Variants in MAP1B observed in about 807,000 individuals in gnomAD.
MAP1B encodes the protein microtubule-associated protein 1B.
In MAP1B, 12 loss-of-function variants were observed where a neutral mutation model predicts 176.1. The observed-to-expected ratio is 0.07, with a 90% CI of 0.04 to 0.11. The LOEUF (loss-of-function observed/expected upper bound fraction) is 0.11. Ranked by LOEUF, MAP1B falls within the 10% of genes least tolerant of loss-of-function variation. The pLI, the probability that MAP1B is intolerant of heterozygous loss-of-function variation, is 1.00. For missense variants in MAP1B, 2,523 were observed against 2,990.5 expected (o/e 0.84, Z 3.65); for synonymous variants, 1,044 against 1,135.0 (o/e 0.92, Z 1.61).
chr5:72,206,404 T>C lies in MAP1B; in HGVS notation c.*1165T>C, dbSNP rs1675065523. 6.6e-6 allele frequency: 1 copy of C among 152,654 alleles called. No individual in the cohort carries two copies. Among genetic ancestry groups the C allele is most frequent in the Non-Finnish European group, 1.5e-5 (1 of 68,042 alleles). The allele number at this position is 152,654 out of a possible 1,614,324, so 9.5% of individuals were successfully genotyped here. A position where few individuals can be genotyped will look rare whatever the true frequency, so the allele number is the denominator to read the frequency against. ...ACCTGTGGCCTCTCAGTCAAACAAG[T>C]TGTGCCTTTCACAGCTTCTTTACTA... On this transcript the variant is annotated 3_prime_UTR_variant, in exon 7 of 7. Transcript: ENST00000296755.
intron 2 of MAP1B, among the ~76,000 whole-genome samples, chr5:72,168,416 C>G (rs1031203953): frequency 6.6e-6 from 1 of 152,120 alleles, no homozygotes; most frequent in African/African-American, 2.4e-5. Flanking sequence ...ATTTTATTTA[C>G]GAAAGAGCAA....
rs374896459 is a variant in MAP1B at position 72,203,366 on chromosome 5, T to A, written c.7013-197T>A. On this transcript the variant is annotated intron_variant, in intron 5 of 6. Transcript: ENST00000296755. ...CTATTGAGGTGGTAAACAACCATGT[T>A]ATGTTTTGTCACATTGCTAGCGTAA... Among the ~76,000 whole-genome samples the A allele has an allele frequency of 7.9e-5, 12 of 152,358 alleles. No individual in the cohort carries two copies. The South Asian group carries it at 1.2e-3, about 16-fold the overall frequency.
At chr5:72,203,481 T>C in intron 5 of MAP1B, 82 bp from the exon 6 acceptor site, 2 of 970,580 alleles carry the variant, frequency 2.1e-6, no homozygotes, top group Non-Finnish European at 3.3e-6. Context: ...AGGGAAGGTG[T>C]GATTGAGTGG....
chr5:72,121,798 A>G (rs943082075), intron 2 of MAP1B, among the ~76,000 whole-genome samples: 2 of 152,188 alleles, frequency 1.3e-5, no homozygotes, highest in South Asian at 4.1e-4. Context: ...GAATACATCA[A>G]CTGCTCTATG....
At position 72,205,518 on chromosome 5, in the gene MAP1B, C is replaced by A. The variant is rs561209065; in HGVS notation, c.*279C>A. ...CATTTGGAAACCATGCACTAGCCAACCCAACTGACTTCTGCTAGGTAGAGG... is the reference window on the plus strand; with the variant it reads ...CATTTGGAAACCATGCACTAGCCAAACCAACTGACTTCTGCTAGGTAGAGG... On this transcript the variant is annotated 3_prime_UTR_variant, in exon 7 of 7. Coordinates refer to ENST00000296755, the MANE Select transcript of MAP1B (RefSeq NM_005909.5). 16 of 343,172 alleles carry A rather than the reference C, an allele frequency of 4.7e-5. No homozygotes were observed. The highest frequency in any genetic ancestry group is 8.1e-5 in the Non-Finnish European group (15 of 185,704). 21.3% of individuals were successfully genotyped at this position (343,172 alleles called of 1,614,324 possible). A position where few individuals can be genotyped will look rare whatever the true frequency, so the allele number is the denominator to read the frequency against.
chr5:72,121,289 T>C (rs181080828), intron 2 of MAP1B, among the ~76,000 whole-genome samples: 28 of 152,254 alleles, frequency 1.8e-4, no homozygotes, highest in Non-Finnish European at 5.9e-5. Flanking sequence ...AACAGGTGAC[T>C]ATAGACGTTG....
Position 72,107,804 on chromosome 5 carries a change from G to A in MAP1B, c.184+89G>A. ...GCGCGACGGTCACTGCGCTCCTCCC[G>A]CGCGCCCCGCACCCATGCCTCTCCT... On this transcript the variant is annotated intron_variant, in intron 1 of 6. Coordinates refer to ENST00000296755, the MANE Select transcript of MAP1B (RefSeq NM_005909.5). 4 of 1,382,430 alleles carry A rather than the reference G, an allele frequency of 2.9e-6. No individual in the cohort carries two copies. In the South Asian group the frequency reaches 3.7e-5, roughly 13 times the overall value. The allele number at this position is 1,382,430 out of a possible 1,614,324, so 85.6% of individuals were successfully genotyped here.
chr5:72,189,203 G>A (rs1746973311), intron 4 of MAP1B, among the ~76,000 whole-genome samples: 1 of 152,158 alleles, frequency 6.6e-6, no homozygotes, highest in Admixed American at 6.5e-5. Flanking sequence ...TGAGCTTCAG[G>A]TTTTGGAGTC....
intron 2 of MAP1B, among the ~76,000 whole-genome samples, chr5:72,174,492 G>A (rs1165231088): frequency 6.6e-6 from 1 of 152,222 alleles, no homozygotes; most frequent in Non-Finnish European, 1.5e-5. Flanking sequence ...GAGAGGGGAC[G>A]AAATTGTCGC....
chr5:72,198,718 C>A lies in MAP1B; in HGVS notation c.5363C>A (p.Thr1788Asn). The A allele has an allele frequency of 6.2e-7, 1 of 1,614,152 alleles. No homozygotes were observed. Residue 1788 changes from threonine to asparagine, a missense_variant, in exon 5 of 7, where the codon ACC (threonine) becomes AAC (asparagine). By Grantham distance (65) the Thr-to-Asn change is moderately conservative. This residue lies in a region of MAP1B where 1,925 missense variants were observed against 2,126.0 expected (regional missense o/e 0.91). Transcript: ENST00000296755. ...LSPKSDISPLTPRESSPLYSP... is the reference protein window; with the variant it reads ...LSPKSDISPLNPRESSPLYSP... Reference sequence around the variant, plus strand: ...CCAAAATCTGATATCTCTCCACTCACCCCACGAGAGTCCTCTCCTTTATAT... The same window carrying A: ...CCAAAATCTGATATCTCTCCACTCAACCCACGAGAGTCCTCTCCTTTATAT...
rs150527364 is a variant in MAP1B at position 72,196,463 on chromosome 5, G to A, written c.3108G>A (p.Pro1036=). ...AEDAREEEYE[P]EKMEAEDYVM... ...ATGCCAGAGAGGAGGAATATGAGCC[G>A]GAAAAAATGGAAGCTGAAGACTATG... is the stretch of plus-strand genomic sequence containing the variant. The change falls in exon 5 of 7, where the codon CCG becomes CCA. Residue 1036 remains proline (P), a synonymous_variant. Coordinates refer to ENST00000296755, the MANE Select transcript of MAP1B (RefSeq NM_005909.5). The surrounding 1 kb of genome is among the most constrained non-coding windows in gnomAD (Gnocchi z 5.3). 9.6e-5 allele frequency: 155 copies of A among 1,613,600 alleles called. No individual in the cohort carries two copies. Among genetic ancestry groups the A allele is most frequent in the Middle Eastern group, 1.6e-4 (1 of 6,080 alleles).
chr5:72,174,875 TCTTCCTTC>T lies in MAP1B; in HGVS notation c.287-8854_287-8847del, dbSNP rs60281377. ...AATAGGCATTGAACTCTGCTTCCTT[TCTTCCTTC>T]CTTCCTTCCTTCCCTCCCTCCCTCC... On this transcript the variant is annotated intron_variant, in intron 2 of 6. Transcript: ENST00000296755. 6.9e-3 allele frequency among the ~76,000 whole-genome samples: 948 copies of T among 136,606 alleles called. 13 individuals are homozygous for T. The highest frequency in any genetic ancestry group is 0.025 in the African/African-American group (899 of 36,360). 89.6% of individuals were successfully genotyped at this position (136,606 alleles called of 152,430 possible).
chr5:72,109,133 A>G (rs907779717), intron 1 of MAP1B, among the ~76,000 whole-genome samples: 8 of 152,192 alleles, frequency 5.3e-5, no homozygotes, highest in South Asian at 2.1e-4. Context: ...GCAGTTGGAA[A>G]CGGCCACTTG....
At chr5:72,178,598 G>C (rs2112204081) in intron 2 of MAP1B, among the ~76,000 whole-genome samples, 1 of 152,250 alleles carries the variant, frequency 6.6e-6, no homozygotes, top group South Asian at 2.1e-4. Context: ...CCTCAGTCCT[G>C]GTTACCAATA....
chr5:72,136,279 G>GCT (rs1362027685), intron 2 of MAP1B, among the ~76,000 whole-genome samples: 1 of 152,134 alleles, frequency 6.6e-6, no homozygotes, highest in Non-Finnish European at 1.5e-5. Context: ...ATACAGGACA[G>GCT]CTCTCTTACC....
chr5:72,177,011 C>A (rs1746664441), intron 2 of MAP1B, among the ~76,000 whole-genome samples: 1 of 152,118 alleles, frequency 6.6e-6, no homozygotes, highest in Non-Finnish European at 1.5e-5. Context: ...AACAGGTGGC[C>A]TTCTGTTTTC....
chr5:72,205,176 A>G lies in MAP1B; in HGVS notation c.7344A>G (p.Leu2448=), dbSNP rs1049278535. ...EKQQDLNIMV[L]ASSSTVVMQD... is the part of the protein sequence containing the mutation. ...AGCAAGATCTCAACATCATGGTTTTAGCAAGCAGCAGCACAGTGGTTATGC... is the reference window on the plus strand; with the variant it reads ...AGCAAGATCTCAACATCATGGTTTTGGCAAGCAGCAGCACAGTGGTTATGC... The change falls in exon 7 of 7, where the codon TTA becomes TTG. Residue 2448 remains leucine, a synonymous_variant. Transcript: ENST00000296755. 1.9e-6 allele frequency: 3 copies of G among 1,613,952 alleles called. No individual in the cohort carries two copies. In the African/African-American group the frequency reaches 4.0e-5, roughly 22 times the overall value.
In MAP1B at chr5:72,205,451, A is replaced by C; in HGVS notation, c.*212A>C. 1 of 508,716 alleles carries C rather than the reference A, an allele frequency of 2.0e-6. No homozygotes were observed. Among genetic ancestry groups the C allele is most frequent in the East Asian group, 3.5e-5 (1 of 28,980 alleles). The allele number at this position is 508,716 out of a possible 1,614,324, so 31.5% of individuals were successfully genotyped here. Reference sequence around the variant, plus strand: ...TAACAGTATTTCCACAATAGGGTTCAAATTCCTGCAAAATTACCTACCCCA... The same window carrying C: ...TAACAGTATTTCCACAATAGGGTTCCAATTCCTGCAAAATTACCTACCCCA... On this transcript the variant is annotated 3_prime_UTR_variant, in exon 7 of 7. Transcript: ENST00000296755.
intron 2 of MAP1B, among the ~76,000 whole-genome samples, chr5:72,175,927 G>C (rs1379344340): frequency 6.6e-6 from 1 of 152,154 alleles, no homozygotes; most frequent in East Asian, 1.9e-4. Flanking sequence ...TTAAACTAAA[G>C]AACATTATTT....
Sources: gnomAD v4.1 joint callset for allele counts (sites outside exome capture counted in the v4.1 genomes callset) on GRCh38, gnomAD v4.1.1 for gene constraint, gnomAD v4.1.1 regional missense constraint, Gnocchi (gnomAD v3.1) non-coding constraint, MANE v1.5 for transcripts, NCBI Gene and HGNC (gene_info 2026-07-23, HGNC 2026-07-21) for gene names.